RIC1: variants seen among roughly 807,000 people sequenced by gnomAD.
RIC1 encodes RIC1 partner of RAB6A GEF complex, also known as guanine nucleotide exchange factor subunit RIC1.
Under a neutral mutation model 169.0 loss-of-function variants are expected in RIC1, and 88 were observed. The ratio of observed to expected loss-of-function variants is 0.52; its 90% CI spans 0.44 to 0.62. RIC1 has a LOEUF of 0.62. Among genes scored for constraint, RIC1 ranks in the 20% least tolerant of loss-of-function variants. The pLI, the probability that RIC1 is intolerant of heterozygous loss-of-function variation, is 0.00. For missense variants in RIC1, 1,877 were observed against 1,725.5 expected (o/e 1.09, Z -1.56); for synonymous variants, 790 against 601.5 (o/e 1.31, Z -4.59).
intron 2 of RIC1, among the ~76,000 whole-genome samples, chr9:5,657,519 G>C (rs137969504): frequency 3.9e-5 from 6 of 152,188 alleles, no homozygotes; most frequent in African/African-American, 1.4e-4. Context: ...GTAAATTGAG[G>C]ATCTGAAAAA....
At chr9:5,695,188 G>T (rs753389080) in intron 3 of RIC1, among the ~76,000 whole-genome samples, 88 of 152,144 alleles carry the variant, frequency 5.8e-4, no homozygotes, top group Non-Finnish European at 9.3e-4. Context: ...ATATCCAGGG[G>T]AAGACAATTC....
chr9:5,777,501 A>G (rs531025814), downstream of RIC1, among the ~76,000 whole-genome samples: 32 of 151,766 alleles, frequency 2.1e-4, no homozygotes, highest in African/African-American at 7.2e-4. Flanking sequence ...ACTCTGAATC[A>G]TTTCACTTTC....
intron 1 of RIC1, among the ~76,000 whole-genome samples, chr9:5,651,398 C>G (rs1311087250): frequency 2.6e-5 from 4 of 151,790 alleles, no homozygotes; most frequent in Admixed American, 2.6e-4. Context: ...TGTCTCTAGT[C>G]AGCTATCTTG....
Position 5,769,209 on chromosome 9 carries a change from C to A in RIC1, c.3377C>A (p.Pro1126Gln), listed in dbSNP as rs148185224. Residue 1126 changes from proline (P) to glutamine (Q), a missense_variant, in exon 22 of 26, where the codon CCA becomes CAA. Physicochemically the swap from Pro to Gln is moderately conservative, Grantham distance 76. This residue lies in a region of RIC1 where 681 missense variants were observed against 582.0 expected (regional missense o/e 1.17). Coordinates refer to ENST00000414202, the MANE Select transcript of RIC1 (RefSeq NM_020829.4). The stretch of plus-strand genomic sequence containing the variant: ...TTCCTGTGGCCACTTCCAATCATCC[C>A]AGCCTCTTCTATCAGTTCTCCTTTC... Reference protein sequence around the residue: ...KDFLWPLPIIPASSISSPFKN... With the variant: ...KDFLWPLPIIQASSISSPFKN... 3.2e-4 allele frequency: 511 copies of A among 1,614,000 alleles called. No individual in the cohort carries two copies. Among genetic ancestry groups the A allele is most frequent in the Non-Finnish European group, 4.0e-4 (471 of 1,179,982 alleles).
intron 6 of RIC1, among the ~76,000 whole-genome samples, chr9:5,721,192 A>G (rs1399241647): frequency 6.6e-6 from 1 of 152,066 alleles, no homozygotes; most frequent in Admixed American, 6.6e-5. Context: ...TTAGGTTACT[A>G]TTAATTGTTT....
At chr9:5,629,725 T>G (rs1014112443) in intron 1 of RIC1, among the ~76,000 whole-genome samples, 1 of 151,216 alleles carries the variant, frequency 6.6e-6, no homozygotes, top group Admixed American at 6.6e-5. Context: ...GCGTGCAGAC[T>G]CCGCACGCTC....
At chr9:5,639,874 A>G (rs942620123) in intron 1 of RIC1, among the ~76,000 whole-genome samples, 1 of 152,158 alleles carries the variant, frequency 6.6e-6, no homozygotes, top group Non-Finnish European at 1.5e-5. Flanking sequence ...CTATTTTGTC[A>G]GTATTTATAT....
intron 2 of RIC1, among the ~76,000 whole-genome samples, chr9:5,680,865 C>T (rs545427912): frequency 0.038 from 4,238 of 111,774 alleles, 94 homozygotes; most frequent in Non-Finnish European, 0.05. Context: ...CTCGCTCTGT[C>T]GCCCAGGCTG....
Position 5,768,838 on chromosome 9 carries a change from CTTCA to C in RIC1, c.3138-129_3138-126del, listed in dbSNP as rs922987630. The C allele has an allele frequency of 3.3e-5, 33 of 988,774 alleles. No homozygotes were observed. The African/African-American group carries it at 3.9e-4, about 12-fold the overall frequency. The allele number at this position is 988,774 out of a possible 1,614,324, so 61.3% of individuals were successfully genotyped here. A position where few individuals can be genotyped will look rare whatever the true frequency, so the allele number is the denominator to read the frequency against. ...CGGAGGAGAAGCGTTGATACTTTAT[CTTCA>C]TTGTCAATCAGAATTAGATCTTGGA... On this transcript the variant is annotated intron_variant, in intron 21 of 25. Coordinates refer to ENST00000414202, the MANE Select transcript of RIC1 (RefSeq NM_020829.4).
chr9:5,677,158 T>G (rs1443035452), intron 2 of RIC1, among the ~76,000 whole-genome samples: 1 of 152,228 alleles, frequency 6.6e-6, no homozygotes, highest in Non-Finnish European at 1.5e-5. Flanking sequence ...TATGAGAATT[T>G]CTATTTTCCT....
At position 5,713,698 on chromosome 9, in the gene RIC1, T is replaced by G. The variant is rs1586999819; in HGVS notation, c.333-198T>G. The stretch of plus-strand genomic sequence containing the variant: ...ACCCTCCTAACACAAATTACATTGG[T>G]CAAACATTTATTTCCAATTGATAAG... On this transcript the variant is annotated intron_variant, in intron 3 of 25. Transcript: ENST00000414202. The G allele has an allele frequency of 5.3e-5, 19 of 356,668 alleles. No individual in the cohort carries two copies. In the East Asian group the frequency reaches 8.8e-4, roughly 17 times the overall value. The allele number at this position is 356,668 out of a possible 1,614,324, so 22.1% of individuals were successfully genotyped here. A position where few individuals can be genotyped will look rare whatever the true frequency, so the allele number is the denominator to read the frequency against.
rs563057014 is a variant in RIC1 at position 5,689,137 on chromosome 9, C to T, written c.253-822C>T. Among the ~76,000 whole-genome samples, 29 of 150,776 alleles carry T rather than the reference C, an allele frequency of 1.9e-4. No homozygotes were observed. In the South Asian group the frequency reaches 3.6e-3, roughly 18 times the overall value. ...GATCTTAGCTCACTGCAAGCTCCGC[C>T]TTCTGGGTTCACGCCATTCTCCTGC... On this transcript the variant is annotated intron_variant, in intron 2 of 25. Transcript: ENST00000414202.
At chr9:5,646,632 G>A (rs139434248) in intron 1 of RIC1, among the ~76,000 whole-genome samples, 5 of 152,096 alleles carry the variant, frequency 3.3e-5, no homozygotes, top group East Asian at 1.9e-4. Flanking sequence ...AGGCCATAAC[G>A]TCTAGGTTTG....
intron 3 of RIC1, among the ~76,000 whole-genome samples, chr9:5,691,322 T>G (rs966323361): frequency 6.6e-6 from 1 of 151,982 alleles, no homozygotes; most frequent in African/African-American, 2.4e-5. Context: ...TAATTGTTCC[T>G]GAATGGTAGA....
intron 2 of RIC1, among the ~76,000 whole-genome samples, chr9:5,682,567 C>G (rs1820922134): frequency 6.6e-6 from 1 of 152,068 alleles, no homozygotes; most frequent in African/African-American, 2.4e-5. Context: ...GGTAACCCGA[C>G]CTTTCTCTGT....
intron 10 of RIC1, among the ~76,000 whole-genome samples, chr9:5,744,445 G>A (rs1347335155): frequency 3.3e-5 from 5 of 152,146 alleles, no homozygotes; most frequent in African/African-American, 1.2e-4. Flanking sequence ...TACAGGTTGA[G>A]TACCCCTTAA....
intron 3 of RIC1, among the ~76,000 whole-genome samples, chr9:5,708,721 G>C (rs1031119275): frequency 5.3e-5 from 8 of 151,970 alleles, no homozygotes; most frequent in African/African-American, 1.7e-4. Context: ...GTGTCTCTGT[G>C]TGCATCTTTT....
At chr9:5,644,886 G>A (rs1818425648) in intron 1 of RIC1, among the ~76,000 whole-genome samples, 1 of 152,154 alleles carries the variant, frequency 6.6e-6, no homozygotes, top group South Asian at 2.1e-4. Flanking sequence ...AATAATGTAT[G>A]GAAGTTTCTG....
chr9:5,682,226 G>C (rs1277561477), intron 2 of RIC1, among the ~76,000 whole-genome samples: 1 of 152,166 alleles, frequency 6.6e-6, no homozygotes, highest in African/African-American at 2.4e-5. Context: ...TATTTTGCTT[G>C]TTAGTTGATG....
Sources: allele counts gnomAD v4.1 joint callset (sites outside exome capture counted in the v4.1 genomes callset), GRCh38; gene constraint gnomAD v4.1.1; regional missense constraint gnomAD v4.1.1; transcripts MANE v1.5; gene names NCBI Gene and HGNC (gene_info 2026-07-23, HGNC 2026-07-21).